The following FMO3 variants were observed in gnomAD, a reference collection of about 807,000 sequenced individuals.
The protein encoded by FMO3 is flavin containing dimethylaniline monoxygenase 3.
Under a neutral mutation model 39.4 loss-of-function variants are expected in FMO3, and 40 were observed. The ratio of observed to expected loss-of-function variants is 1.02; its 90% CI spans 0.79 to 1.32. The LOEUF is 1.32. FMO3 is among the 40% of genes most tolerant of loss of function. The probability of loss-of-function intolerance (pLI) is 0.00; values close to 1 mark genes in which losing one functional copy is unlikely to be tolerated. For synonymous variants in FMO3, 219 were observed against 228.8 expected (o/e 0.96, Z 0.39); for missense variants, 680 against 651.8 (o/e 1.04, Z -0.47).
Position 171,097,466 on chromosome 1 carries a change from T to C in FMO3, c.132+4676T>C, listed in dbSNP as rs1023168881. On this transcript the variant is annotated intron_variant, in intron 2 of 8. Transcript: ENST00000367755. ...CTCCAGCACCTGTTGTTTCCTGACT[T>C]TTTAATGACTGCCATTCTAACTGGT... Among the ~76,000 whole-genome samples the C allele has an allele frequency of 4.0e-5, 5 of 123,906 alleles. 1 individual carries two copies. Among genetic ancestry groups the C allele is most frequent in the Non-Finnish European group, 8.2e-5 (5 of 61,224 alleles). 81.3% of individuals were successfully genotyped at this position (123,906 alleles called of 152,430 possible).
chr1:171,105,958 A>C (rs1655616699), intron 3 of FMO3, among the ~76,000 whole-genome samples: 1 of 152,090 alleles, frequency 6.6e-6, no homozygotes, highest in South Asian at 2.1e-4. Flanking sequence ...TATAGTAGCC[A>C]CTAGTCACAA....
At chr1:171,103,733 A>G (rs957478852) in intron 2 of FMO3, 52 bp from the exon 3 acceptor site, 10 of 1,437,874 alleles carry the variant, frequency 7.0e-6, no homozygotes, top group Admixed American at 5.0e-5. Flanking sequence ...CCTGACCATG[A>G]TCAGTATACT....
chr1:171,114,377 A>G lies in FMO3; in HGVS notation c.1183+15A>G. The G allele has an allele frequency of 3.8e-6, 6 of 1,568,638 alleles. No homozygotes were observed. In the South Asian group the frequency reaches 6.7e-5, roughly 17 times the overall value. On this transcript the variant is annotated intron_variant, in intron 7 of 8. Transcript: ENST00000367755. ...AGTAATAAAGGGTAAGTCAATAAAGAGGCTCATGGATTGCGAAGATGAATG... is the reference window on the plus strand; with the variant it reads ...AGTAATAAAGGGTAAGTCAATAAAGGGGCTCATGGATTGCGAAGATGAATG...
In FMO3 at chr1:171,110,971, A is replaced by G. The variant is rs950999716; in HGVS notation, c.801A>G (p.Glu267=). The G allele has an allele frequency of 6.2e-7, 1 of 1,613,840 alleles. No homozygotes were observed. Among genetic ancestry groups the G allele is most frequent in the East Asian group, 2.2e-5 (1 of 44,866 alleles). The change falls in exon 6 of 9, where the codon GAA becomes GAG. Residue 267 remains glutamate (E), a synonymous_variant. Coordinates refer to ENST00000367755, the MANE Select transcript of FMO3 (RefSeq NM_001002294.3). ...AGATGAATGCAAGATTCAAGCATGA[A>G]AACTATGGCTTGATGCCTTTAAATG... ...VKQMNARFKH[E]NYGLMPLNGV... is the part of the protein sequence containing the mutation.
At chr1:171,105,959 C>T (rs1294479870) in intron 3 of FMO3, among the ~76,000 whole-genome samples, 1 of 151,908 alleles carries the variant, frequency 6.6e-6, no homozygotes, top group African/African-American at 2.4e-5. Context: ...ATAGTAGCCA[C>T]TAGTCACAAA....
At chr1:171,096,019 T>TTA in intron 2 of FMO3, among the ~76,000 whole-genome samples, 1 of 68,266 alleles carries the variant, frequency 1.5e-5, no homozygotes, top group African/African-American at 6.8e-5. Context: ...ATACATATTA[T>TTA]ATATTAATAT....
In FMO3 at chr1:171,108,131, A is replaced by G. The variant is rs932535169; in HGVS notation, c.537A>G (p.Pro179=). 1 of 1,613,952 alleles carries G rather than the reference A, an allele frequency of 6.2e-7. No homozygotes were observed. The change falls in exon 5 of 9, where the codon CCA becomes CCG. Residue 179 remains proline (P), a synonymous_variant. Transcript: ENST00000367755. ...TCCACAGCAGGGACTATAAAGAACC[A>G]GGTGTATTCAATGGAAAGCGTGTCC... ...KCFHSRDYKE[P]GVFNGKRVLV...
In FMO3 at chr1:171,111,002, T is replaced by C. The variant is rs765248404; in HGVS notation, c.827+5T>C. 1 of 1,611,768 alleles carries C rather than the reference T, an allele frequency of 6.2e-7. No homozygotes were observed. Among genetic ancestry groups the C allele is most frequent in the African/African-American group, 1.3e-5 (1 of 74,966 alleles). On this transcript the variant is annotated splice_donor_5th_base_variant and intron_variant, in intron 6 of 8. Transcript: ENST00000367755. ...TGGCTTGATGCCTTTAAATGGGTAA[T>C]GCAGAGCTAAACGTGATATGCCTGC... is the stretch of plus-strand genomic sequence containing the variant.
chr1:171,091,157 C>T (rs1654682940), intron 1 of FMO3, among the ~76,000 whole-genome samples, 176 bp downstream of exon 1: 1 of 143,974 alleles, frequency 6.9e-6, no homozygotes, highest in South Asian at 2.2e-4. Flanking sequence ...ATCTGGGAGG[C>T]AGAGGTTGCA....
At chr1:171,104,985 T>G (rs1195498072) in intron 3 of FMO3, among the ~76,000 whole-genome samples, 1 of 152,080 alleles carries the variant, frequency 6.6e-6, no homozygotes, top group Non-Finnish European at 1.5e-5. Context: ...TGGATACAGA[T>G]GAATTAAAAA....
chr1:171,113,824 ACTT>A (rs1656017154), intron 6 of FMO3, among the ~76,000 whole-genome samples, 180 bp from the exon 7 acceptor site: 1 of 152,048 alleles, frequency 6.6e-6, no homozygotes, highest in African/African-American at 2.4e-5. Context: ...GCAAATAACA[ACTT>A]CTCTTACTTC....
chr1:171,114,076 A>G lies in FMO3; in HGVS notation c.897A>G (p.Val299=), dbSNP rs937647161. The change falls in exon 7 of 9, where the codon GTA becomes GTG. Residue 299 remains valine (V), a synonymous_variant. Transcript: ENST00000367755. Reference sequence around the variant, plus strand: ...GCATTCTGTGTGGCATTGTGTCCGTAAAGCCTAACGTGAAGGAATTCACAG... The same window carrying G: ...GCATTCTGTGTGGCATTGTGTCCGTGAAGCCTAACGTGAAGGAATTCACAG... The part of the protein sequence containing the change: ...PASILCGIVS[V]KPNVKEFTET... 2.5e-6 allele frequency: 4 copies of G among 1,613,442 alleles called. No homozygotes were observed. The African/African-American group carries it at 4.0e-5, about 16-fold the overall frequency.
chr1:171,100,897 A>C (rs1655349972), intron 2 of FMO3: 1 of 281,904 alleles, frequency 3.5e-6, no homozygotes, highest in East Asian at 7.8e-5. Flanking sequence ...TAAGTTAAAA[A>C]TCTTAAGATG....
chr1:171,108,256 A>T (rs1158595357), intron 5 of FMO3, 35 bp downstream of exon 5: 1 of 1,612,054 alleles, frequency 6.2e-7, no homozygotes, highest in South Asian at 1.1e-5. Context: ...GACTCTCGTT[A>T]CTGACAGAAG....
chr1:171,109,437 AT>A (rs1183769552), intron 5 of FMO3, among the ~76,000 whole-genome samples: 1 of 149,316 alleles, frequency 6.7e-6, no homozygotes, highest in Non-Finnish European at 1.5e-5. Flanking sequence ...ACAGATTTCT[AT>A]TTGTATATGT....
At chr1:171,098,356 A>T (rs1431350250) in intron 2 of FMO3, among the ~76,000 whole-genome samples, 2 of 152,176 alleles carry the variant, frequency 1.3e-5, no homozygotes, top group African/African-American at 4.8e-5. Context: ...TGGGGATGGC[A>T]TTGAATCTAT....
In FMO3 at chr1:171,117,216, C is replaced by T. The variant is rs773995199; in HGVS notation, c.1373C>T (p.Ala458Val). 18 of 1,614,006 alleles carry T rather than the reference C, an allele frequency of 1.1e-5. No individual in the cohort carries two copies. Among genetic ancestry groups the T allele is most frequent in the Non-Finnish European group, 1.4e-5 (16 of 1,180,006 alleles). The change falls in exon 9 of 9, where the codon GCC (alanine) becomes GTC (valine). Residue 458 changes from alanine to valine, a missense_variant. Physicochemically the swap from Ala to Val is moderately conservative, Grantham distance 64. Coordinates refer to ENST00000367755, the MANE Select transcript of FMO3 (RefSeq NM_001002294.3). Reference sequence around the variant, plus strand: ...CTGTTTCTCACAGATCCCAAATTGGCCATGGAAGTTTATTTTGGCCCTTGT... The same window carrying T: ...CTGTTTCTCACAGATCCCAAATTGGTCATGGAAGTTTATTTTGGCCCTTGT... Reference protein sequence around the residue: ...PWLFLTDPKLAMEVYFGPCSP... With the variant: ...PWLFLTDPKLVMEVYFGPCSP...
Position 171,107,809 on chromosome 1 carries a change from TCC to T in FMO3, c.458_459del (p.Pro153GlnfsTer14). 1.2e-6 allele frequency: 2 copies of T among 1,613,984 alleles called. No homozygotes were observed. Among genetic ancestry groups the T allele is most frequent in the East Asian group, 4.5e-5 (2 of 44,858 alleles). On this transcript the variant is annotated frameshift_variant, in exon 4 of 9. Transcript: ENST00000367755. LOFTEE classifies it high-confidence loss of function. ...TGGTTTGTTCCGGACATCATGTGTA[TCC>T]CAACCTACCAAAAGAGTCCTTTCCA... is the stretch of plus-strand genomic sequence containing the variant. Reference protein sequence around the residue: ...VMVCSGHHVYPNLPKESFPGL... With the variant: ...VMVCSGHHVYXNLPKESFPGL...
chr1:171,116,216 A>T lies in FMO3; in HGVS notation c.1192A>T (p.Thr398Ser). 6.2e-7 allele frequency: 1 copy of T among 1,602,936 alleles called. No individual in the cohort carries two copies. The highest frequency in any genetic ancestry group is 8.5e-7 in the Non-Finnish European group (1 of 1,170,176). Residue 398 changes from threonine (T) to serine (S), a missense_variant, in exon 8 of 9, where the codon ACT becomes TCT. By Grantham distance (58) the Thr-to-Ser change is moderately conservative. Transcript: ENST00000367755. ...CTTTCCTTCTTTATCAGGAACTTGT[A>T]CTTTGCCTTCTATGGAAGACATGAT... is the stretch of plus-strand genomic sequence containing the variant. ...WAAQVIKGTC[T>S]LPSMEDMMND... is the part of the protein sequence containing the mutation.
Sources: allele counts gnomAD v4.1 joint callset (sites outside exome capture counted in the v4.1 genomes callset), GRCh38; gene constraint gnomAD v4.1.1; transcripts MANE v1.5; gene names NCBI Gene and HGNC (gene_info 2026-07-23, HGNC 2026-07-21).